Variants in GPC5 observed in about 807,000 individuals in gnomAD.
The protein encoded by GPC5 is glypican 5, also known as glypican-5.
In GPC5, 47 loss-of-function variants were observed where a neutral mutation model predicts 53.9. The ratio of observed to expected loss-of-function variants is 0.87; its 90% CI spans 0.69 to 1.11. The LOEUF (loss-of-function observed/expected upper bound fraction) is 1.11. Among genes scored for constraint, GPC5 ranks in the 50% most tolerant of loss-of-function variants. GPC5 has a pLI of 0.00. For synonymous variants in GPC5, 286 were observed against 263.3 expected (o/e 1.09, Z -0.84); for missense variants, 748 against 713.1 (o/e 1.05, Z -0.56).
At chr13:91,893,191 C>T (rs566542163) in intron 5 of GPC5, among the ~76,000 whole-genome samples, 4 of 152,116 alleles carry the variant, frequency 2.6e-5, no homozygotes, top group East Asian at 3.9e-4. Flanking sequence ...ATAAACTTTG[C>T]GTCAAATCCT....
At chr13:92,587,798 C>G (rs376058815) in intron 7 of GPC5, among the ~76,000 whole-genome samples, 1 of 152,070 alleles carries the variant, frequency 6.6e-6, no homozygotes, top group African/African-American at 2.4e-5. Flanking sequence ...CTCTCAAACC[C>G]CGTCTCCACC....
chr13:91,820,472 TC>T (rs1241550282), intron 5 of GPC5, among the ~76,000 whole-genome samples: 1 of 152,018 alleles, frequency 6.6e-6, no homozygotes, highest in African/African-American at 2.4e-5. Context: ...CTGCAAAGCC[TC>T]CCCCCACCAC....
intron 4 of GPC5, among the ~76,000 whole-genome samples, chr13:91,753,830 T>C (rs2037231251): frequency 6.6e-6 from 1 of 152,198 alleles, no homozygotes; most frequent in Admixed American, 6.5e-5. Flanking sequence ...TGCCTTGTTT[T>C]GTAAATATCT....
At chr13:92,661,226 TA>T (rs1886330560) in intron 7 of GPC5, among the ~76,000 whole-genome samples, 2 of 151,724 alleles carry the variant, frequency 1.3e-5, no homozygotes. Flanking sequence ...GTCCAAGAGG[TA>T]ATGTCTGCAG....
intron 2 of GPC5, among the ~76,000 whole-genome samples, chr13:91,582,577 A>G (rs560565072): frequency 5.8e-4 from 88 of 152,360 alleles, no homozygotes; most frequent in African/African-American, 2.1e-3. Context: ...GGATATGGAA[A>G]CACAAGATTG....
chr13:91,860,808 C>T (rs2138911170), intron 5 of GPC5, among the ~76,000 whole-genome samples: 1 of 152,206 alleles, frequency 6.6e-6, no homozygotes, highest in Middle Eastern at 3.4e-3. Context: ...GGCCTGTATA[C>T]CATATTTTCT....
chr13:92,365,384 T>C (rs1052359625), intron 7 of GPC5, among the ~76,000 whole-genome samples: 1 of 151,750 alleles, frequency 6.6e-6, no homozygotes, highest in East Asian at 1.9e-4. Context: ...CTTGCAAGAC[T>C]GACAGTTGCT....
rs1884811969 is a variant in GPC5 at position 91,504,159 on chromosome 13, T to A, written c.325+55237T>A. On this transcript the variant is annotated intron_variant, in intron 2 of 7. Transcript: ENST00000377067. ...AGAAGATATTTCCTTATATTTAATC[T>A]TTAAAAAATTATACATCTCTGAAAT... 2.6e-5 allele frequency among the ~76,000 whole-genome samples: 4 copies of A among 152,090 alleles called. No homozygotes were observed. In the South Asian group the frequency reaches 8.3e-4, roughly 31 times the overall value.
chr13:92,367,894 CCTT>C (rs1463433748), intron 7 of GPC5, among the ~76,000 whole-genome samples: 1 of 152,056 alleles, frequency 6.6e-6, no homozygotes, highest in Admixed American at 6.5e-5. Flanking sequence ...CCAAGATAGT[CCTT>C]CTTCTGAAGT....
intron 7 of GPC5, among the ~76,000 whole-genome samples, chr13:92,615,834 C>G (rs1171390654): frequency 1.3e-5 from 2 of 152,038 alleles, no homozygotes; most frequent in African/African-American, 4.8e-5. Flanking sequence ...GCGGGTGGAT[C>G]ACGAGGTCAG....
intron 7 of GPC5, among the ~76,000 whole-genome samples, chr13:92,516,433 A>T (rs1880784840): frequency 6.6e-6 from 1 of 152,192 alleles, no homozygotes; most frequent in African/African-American, 2.4e-5. Context: ...TATGGGGATA[A>T]AACTTCTTCC....
chr13:92,446,957 T>C (rs1188647777), intron 7 of GPC5: 1 of 152,204 alleles, frequency 6.6e-6, no homozygotes, highest in African/African-American at 2.4e-5. Flanking sequence ...TTAAAATCTT[T>C]AGTCCATTTT....
At chr13:91,938,524 T>C (rs192981465) in intron 6 of GPC5, among the ~76,000 whole-genome samples, 2 of 152,232 alleles carry the variant, frequency 1.3e-5, no homozygotes, top group East Asian at 1.9e-4. Context: ...ATCACTAAGA[T>C]TGATTCCTTT....
At chr13:91,968,580 G>C (rs1180217776) in intron 6 of GPC5, among the ~76,000 whole-genome samples, 1 of 151,932 alleles carries the variant, frequency 6.6e-6, no homozygotes, top group Non-Finnish European at 1.5e-5. Context: ...TTCTGCCTCA[G>C]CCTCCCAAGT....
intron 7 of GPC5, among the ~76,000 whole-genome samples, chr13:92,659,703 A>G (rs1032684398): frequency 1.3e-5 from 2 of 152,210 alleles, no homozygotes; most frequent in Admixed American, 6.5e-5. Context: ...AGACATTACA[A>G]TGTTACAAAC....
chr13:91,775,676 C>G (rs1188425142), intron 5 of GPC5, among the ~76,000 whole-genome samples: 1 of 152,170 alleles, frequency 6.6e-6, no homozygotes, highest in Non-Finnish European at 1.5e-5. Context: ...CTTTATAAGA[C>G]TTGATCAACT....
At chr13:91,742,555 G>A (rs1459606589) in intron 4 of GPC5, among the ~76,000 whole-genome samples, 7 of 152,264 alleles carry the variant, frequency 4.6e-5, no homozygotes, top group South Asian at 4.1e-4. Flanking sequence ...TATTTGGCAC[G>A]AACTAGAAGT....
At chr13:91,906,534 T>A (rs1211068886) in intron 5 of GPC5, among the ~76,000 whole-genome samples, 1 of 152,100 alleles carries the variant, frequency 6.6e-6, no homozygotes, top group African/African-American at 2.4e-5. Flanking sequence ...TATGGTTTTT[T>A]AAAAATGTAA....
chr13:92,563,254 C>T (rs538401556), intron 7 of GPC5, among the ~76,000 whole-genome samples: 51 of 151,826 alleles, frequency 3.4e-4, no homozygotes, highest in Non-Finnish European at 6.3e-4. Context: ...AATAGGATAT[C>T]GTGATACTGA....
Sources: allele counts gnomAD v4.1 joint callset (sites outside exome capture counted in the v4.1 genomes callset), GRCh38; gene constraint gnomAD v4.1.1; transcripts MANE v1.5; gene names NCBI Gene and HGNC (gene_info 2026-07-23, HGNC 2026-07-21).